CIT: variants seen among roughly 807,000 people sequenced by gnomAD.
CIT encodes the protein citron Rho-interacting kinase.
In CIT, 79 loss-of-function variants were observed where a neutral mutation model predicts 272.7. The observed-to-expected ratio is 0.29, with a 90% CI of 0.24 to 0.35. The LOEUF is 0.35. Among genes scored for constraint, CIT ranks in the 10% least tolerant of loss-of-function variants. The probability of loss-of-function intolerance (pLI) is 1.00; values close to 1 mark genes in which losing one functional copy is unlikely to be tolerated. For missense variants in CIT, 1,909 were observed against 2,618.3 expected (o/e 0.73, Z 5.91); for synonymous variants, 948 against 995.6 (o/e 0.95, Z 0.90).
intron 30 of CIT, among the ~76,000 whole-genome samples, chr12:119,719,466 A>G (rs1388451539): frequency 3.3e-5 from 5 of 152,238 alleles, no homozygotes; most frequent in African/African-American, 1.2e-4. Context: ...AAATCAAGTG[A>G]CATAACCAGG....
chr12:119,805,673 G>T (rs1195841405), intron 9 of CIT, among the ~76,000 whole-genome samples: 1 of 152,178 alleles, frequency 6.6e-6, no homozygotes, highest in African/African-American at 2.4e-5. Flanking sequence ...CCATTTCTGA[G>T]TGAGAAGTAT....
At chr12:119,840,905 T>C (rs1461256652) in intron 5 of CIT, among the ~76,000 whole-genome samples, 1 of 152,222 alleles carries the variant, frequency 6.6e-6, no homozygotes, top group East Asian at 1.9e-4. Flanking sequence ...AGATTCCCAA[T>C]GACAGCATAG....
chr12:119,787,155 G>A (rs1421388284), intron 10 of CIT, among the ~76,000 whole-genome samples: 1 of 151,778 alleles, frequency 6.6e-6, no homozygotes, highest in Non-Finnish European at 1.5e-5. Context: ...TGTAGACACG[G>A]GGTTTCTCCA....
intron 24 of CIT, among the ~76,000 whole-genome samples, chr12:119,739,383 ATTGAGTTATTATGGGAGTTGTGGG>A (rs1428978147): frequency 6.6e-6 from 1 of 152,136 alleles, no homozygotes; most frequent in African/African-American, 2.4e-5. Flanking sequence ...GCTCCTATCA[ATTGAGTTATTATGGGAGTTGTGGG>A]AACTCCCATA....
intron 19 of CIT, among the ~76,000 whole-genome samples, chr12:119,763,987 A>AT (rs1962127884): frequency 6.6e-6 from 1 of 152,258 alleles, no homozygotes; most frequent in Non-Finnish European, 1.5e-5. Context: ...AGAGTAAGAA[A>AT]TTGCCAAAAA....
chr12:119,777,404 G>C (rs1026590403), intron 13 of CIT, among the ~76,000 whole-genome samples: 2 of 152,090 alleles, frequency 1.3e-5, no homozygotes, highest in Non-Finnish European at 2.9e-5. Flanking sequence ...GGGTGTTGTG[G>C]CTCATGCCTG....
chr12:119,707,780 A>C (rs1349537909), intron 40 of CIT, among the ~76,000 whole-genome samples: 2 of 152,172 alleles, frequency 1.3e-5, no homozygotes, highest in Non-Finnish European at 2.9e-5. Flanking sequence ...GATTACAGGC[A>C]TGAGCCACCG....
In CIT at chr12:119,854,150, C is replaced by T. The variant is rs191553281; in HGVS notation, c.414+3373G>A. 2.2e-4 allele frequency among the ~76,000 whole-genome samples: 33 copies of T among 152,096 alleles called. 1 individual carries two copies. Among genetic ancestry groups the T allele is most frequent in the African/African-American group, 7.5e-4 (31 of 41,536 alleles). The stretch of plus-strand genomic sequence containing the variant: ...TCAAGCAATTCTCCTGCCTCAGCTC[C>T]CAAGTAGCTGGGATTACAGGCATGC... On this transcript the variant is annotated intron_variant, in intron 4 of 47. Transcript: ENST00000392521.
intron 9 of CIT, among the ~76,000 whole-genome samples, chr12:119,819,487 C>T (rs1020855576): frequency 2.0e-5 from 3 of 152,184 alleles, no homozygotes; most frequent in Non-Finnish European, 4.4e-5. Flanking sequence ...TTTATATATC[C>T]TGCCAGGACC....
chr12:119,862,676 G>A (rs891043909), intron 3 of CIT, among the ~76,000 whole-genome samples: 2 of 151,070 alleles, frequency 1.3e-5, no homozygotes, highest in Non-Finnish European at 2.9e-5. Context: ...CAGGCGTGGT[G>A]GCAGGCACCT....
intron 24 of CIT, 85 bp from the exon 25 acceptor site, chr12:119,735,442 C>A: frequency 2.2e-6 from 3 of 1,337,140 alleles, no homozygotes; most frequent in Non-Finnish European, 3.2e-6. Flanking sequence ...ATTTCTGAAC[C>A]CACGTGACAC....
chr12:119,703,901 AAAG>A (rs1478450498), intron 41 of CIT, among the ~76,000 whole-genome samples: 2 of 152,322 alleles, frequency 1.3e-5, no homozygotes, highest in South Asian at 4.1e-4. Flanking sequence ...TCTGCTCCGA[AAAG>A]AAGGAGCTCC....
At chr12:119,855,892 G>C (rs1447554790) in intron 4 of CIT, among the ~76,000 whole-genome samples, 1 of 152,104 alleles carries the variant, frequency 6.6e-6, no homozygotes, top group Admixed American at 6.6e-5. Flanking sequence ...TACACGTAAT[G>C]CCTCTTCTCC....
At chr12:119,759,391 A>G (rs1961453287) in intron 20 of CIT, among the ~76,000 whole-genome samples, 1 of 152,214 alleles carries the variant, frequency 6.6e-6, no homozygotes, top group Admixed American at 6.5e-5. Context: ...TTAGCCTGTA[A>G]TCCCAACACT....
chr12:119,803,531 C>T (rs991939990), intron 9 of CIT, 142 bp from the exon 10 acceptor site: 6 of 549,258 alleles, frequency 1.1e-5, no homozygotes, highest in Non-Finnish European at 1.9e-5. Flanking sequence ...CTCGCAACCT[C>T]GGCTCCTACA....
At chr12:119,745,543 C>T (rs935421689) in intron 23 of CIT, among the ~76,000 whole-genome samples, 14 of 151,414 alleles carry the variant, frequency 9.2e-5, no homozygotes, top group South Asian at 2.1e-4. Flanking sequence ...AAAGTCCTTC[C>T]GACAGATGGA....
intron 3 of CIT, among the ~76,000 whole-genome samples, chr12:119,859,246 G>A (rs755698449): frequency 1.4e-4 from 22 of 152,250 alleles, no homozygotes; most frequent in Non-Finnish European, 2.2e-4. Flanking sequence ...TGGAAAATCC[G>A]GCAGAAAGAT....
At chr12:119,743,482 G>A (rs916339221) in intron 23 of CIT, among the ~76,000 whole-genome samples, 7 of 152,282 alleles carry the variant, frequency 4.6e-5, no homozygotes, top group African/African-American at 1.7e-4. Flanking sequence ...CAAACTGCAA[G>A]CTGTGACCCA....
chr12:119,686,588 C>A lies in CIT; in HGVS notation c.*1644G>T, dbSNP rs112761399. 2,137 of 152,362 alleles carry A rather than the reference C, an allele frequency of 0.014. 39 individuals carry two copies. The highest frequency in any genetic ancestry group is 0.048 in the African/African-American group (1,982 of 41,546). The allele number at this position is 152,362 out of a possible 1,614,324, so 9.4% of individuals were successfully genotyped here. A position where few individuals can be genotyped will look rare whatever the true frequency, so the allele number is the denominator to read the frequency against. The stretch of plus-strand genomic sequence containing the variant: ...TGAACTGTGGACACAGTTGAAAACA[C>A]GGTCATGTTCACCTGCTGCGGTGGA... On this transcript the variant is annotated 3_prime_UTR_variant, in exon 48 of 48. Transcript: ENST00000392521.
Sources: allele counts gnomAD v4.1 joint callset (sites outside exome capture counted in the v4.1 genomes callset), GRCh38; gene constraint gnomAD v4.1.1; transcripts MANE v1.5; gene names NCBI Gene and HGNC (gene_info 2026-07-23, HGNC 2026-07-21).